Variants in FAM135A observed in about 807,000 individuals in gnomAD.
The protein encoded by FAM135A is family with sequence similarity 135 member A.
FAM135A carries 79 observed loss-of-function variants against 146.8 expected under a neutral mutation model. That is an observed-to-expected ratio of 0.54 (90% CI 0.45 to 0.65). The LOEUF is 0.65. FAM135A is among the 30% of genes least tolerant of loss of function. The pLI is 0.00. For missense variants in FAM135A, 1,623 were observed against 1,758.2 expected, an observed-to-expected ratio of 0.92 and a Z score of 1.38; for synonymous variants, 562 against 603.6, an observed-to-expected ratio of 0.93 and a Z score of 1.01.
At chr6:70,495,597 TACACAC>T (rs1349052352) in intron 11 of FAM135A, among the ~76,000 whole-genome samples, 2 of 152,092 alleles carry the variant, frequency 1.3e-5, no homozygotes, top group Non-Finnish European at 2.9e-5. Flanking sequence ...CCTTTGGGGA[TACACAC>T]ACACATACAC....
intron 11 of FAM135A, among the ~76,000 whole-genome samples, chr6:70,499,206 T>G (rs1787971795): frequency 6.6e-6 from 1 of 152,246 alleles, no homozygotes; most frequent in Non-Finnish European, 1.5e-5. Context: ...TCTTGTTGAA[T>G]TGATCCCTTT....
At chr6:70,491,898 TAAAGA>T (rs1310354595) in intron 11 of FAM135A, among the ~76,000 whole-genome samples, 2 of 151,812 alleles carry the variant, frequency 1.3e-5, no homozygotes, top group African/African-American at 2.4e-5. Context: ...ACTGAGCTAT[TAAAGA>T]AAATTTGAAT....
intron 5 of FAM135A, among the ~76,000 whole-genome samples, chr6:70,454,164 G>C (rs1582228583): frequency 6.6e-6 from 1 of 152,210 alleles, no homozygotes; most frequent in African/African-American, 2.4e-5. Flanking sequence ...CAGTGATGAT[G>C]AGCATTTTTT....
intron 2 of FAM135A, among the ~76,000 whole-genome samples, chr6:70,418,900 T>C (rs576445883): frequency 1.6e-4 from 24 of 152,320 alleles, no homozygotes; most frequent in African/African-American, 5.8e-4. Flanking sequence ...AGTTTACTGC[T>C]GTATGGTCTG....
intron 11 of FAM135A, among the ~76,000 whole-genome samples, chr6:70,498,332 AT>A (rs1350949351): frequency 6.6e-6 from 1 of 151,866 alleles, no homozygotes; most frequent in Non-Finnish European, 1.5e-5. Flanking sequence ...CCCTTTTATC[AT>A]TTTTTATTGT....
intron 12 of FAM135A, among the ~76,000 whole-genome samples, chr6:70,509,363 A>G (rs1466511732): frequency 6.6e-6 from 1 of 152,024 alleles, no homozygotes; most frequent in African/African-American, 2.4e-5. Flanking sequence ...CATCTCTCTC[A>G]CCTTGTAGTT....
chr6:70,478,862 T>C (rs927227633), intron 8 of FAM135A, among the ~76,000 whole-genome samples: 1 of 152,078 alleles, frequency 6.6e-6, no homozygotes, highest in Non-Finnish European at 1.5e-5. Flanking sequence ...TATTATAAAC[T>C]TAAAATTTTT....
chr6:70,450,283 T>C (rs777920493), intron 4 of FAM135A, among the ~76,000 whole-genome samples: 9 of 152,186 alleles, frequency 5.9e-5, no homozygotes, highest in Non-Finnish European at 7.3e-5. Flanking sequence ...CGTAATCTTA[T>C]TTGTCTATGT....
intron 12 of FAM135A, among the ~76,000 whole-genome samples, chr6:70,519,051 A>T (rs540848612): frequency 6.6e-5 from 10 of 152,332 alleles, no homozygotes; most frequent in African/African-American, 2.4e-4. Context: ...CTTTTGGGAA[A>T]AAATCACCGT....
intron 10 of FAM135A, 95 bp downstream of exon 10, chr6:70,482,249 TA>T: frequency 8.1e-7 from 1 of 1,229,774 alleles, no homozygotes; most frequent in South Asian, 1.6e-5. Flanking sequence ...TTTTCTATAC[TA>T]AAACTACAGT....
chr6:70,459,892 G>T (rs887352063), intron 5 of FAM135A, among the ~76,000 whole-genome samples: 1 of 152,082 alleles, frequency 6.6e-6, no homozygotes, highest in Non-Finnish European at 1.5e-5. Flanking sequence ...TTAGCCAGGC[G>T]TGGTGGCGGG....
chr6:70,443,877 A>G (rs551583685), intron 4 of FAM135A, among the ~76,000 whole-genome samples: 2 of 152,188 alleles, frequency 1.3e-5, no homozygotes, highest in South Asian at 4.1e-4. Flanking sequence ...CTAATTCACT[A>G]TGATTTTGCC....
rs187023383 is a variant in FAM135A at position 70,534,626 on chromosome 6, C to A, written c.3965+772C>A. ...CTTGCCCAGCCAGATTTTATGACTGCTGTATACTTTTGTGAGTCAGTTTTC... is the reference window on the plus strand; with the variant it reads ...CTTGCCCAGCCAGATTTTATGACTGATGTATACTTTTGTGAGTCAGTTTTC... On this transcript the variant is annotated intron_variant, in intron 18 of 21. Coordinates refer to ENST00000418814, the MANE Select transcript of FAM135A (RefSeq NM_001162529.3). 5.3e-5 allele frequency among the ~76,000 whole-genome samples: 8 copies of A among 152,186 alleles called. No individual in the cohort carries two copies. In the East Asian group the frequency reaches 1.5e-3, roughly 29 times the overall value.
In FAM135A at chr6:70,556,812, C is replaced by A; in HGVS notation, c.4291C>A (p.His1431Asn). ...CCTACAGGATCGCTATGTTCCTTAT[C>A]ACTCTGCCCGCATTGAAATGTGTAA... ...GSLQDRYVPY[H>N]SARIEMCKTA... The change falls in exon 21 of 22, where the codon CAC (histidine) becomes AAC (asparagine). Residue 1431 changes from histidine to asparagine, a missense_variant. By Grantham distance (68) the His-to-Asn change is moderately conservative. This residue lies in a region of FAM135A where 138 missense variants were observed against 174.1 expected (regional missense o/e 0.79). Transcript: ENST00000418814. 2 of 1,613,972 alleles carry A rather than the reference C, an allele frequency of 1.2e-6. No homozygotes were observed. Among genetic ancestry groups the A allele is most frequent in the South Asian group, 2.2e-5 (2 of 91,080 alleles).
rs1792204967 is a variant in FAM135A, at chr6:70,516,343, AGT to A, written c.1030-6169_1030-6168del. 2.0e-5 allele frequency among the ~76,000 whole-genome samples: 3 copies of A among 151,880 alleles called. No individual in the cohort carries two copies. In the South Asian group the frequency reaches 6.2e-4, roughly 32 times the overall value. ...CTGAAATTTGGCCTGTCCTCCTTGG[AGT>A]CTAGTTGCATCTGCCTGTAGAAGGA... On this transcript the variant is annotated intron_variant, in intron 12 of 21. Coordinates refer to ENST00000418814, the MANE Select transcript of FAM135A (RefSeq NM_001162529.3).
intron 16 of FAM135A, 57 bp downstream of exon 16, chr6:70,528,509 G>T: frequency 7.3e-7 from 1 of 1,372,062 alleles, no homozygotes; most frequent in Non-Finnish European, 9.5e-7. Context: ...TTTCCTAATA[G>T]ATCTCATTTA....
At chr6:70,558,054 G>T (rs987065497) in intron 21 of FAM135A, among the ~76,000 whole-genome samples, 1 of 152,236 alleles carries the variant, frequency 6.6e-6, no homozygotes, top group Non-Finnish European at 1.5e-5. Flanking sequence ...GTGAGGTTCT[G>T]TGACATTGGG....
At chr6:70,480,857 A>G (rs757573148) in intron 8 of FAM135A, 44 bp from the exon 9 acceptor site, 2 of 1,548,850 alleles carry the variant, frequency 1.3e-6, no homozygotes, top group South Asian at 1.3e-5. Flanking sequence ...CTTACATTCA[A>G]ATAGACTCGT....
intron 16 of FAM135A, among the ~76,000 whole-genome samples, chr6:70,530,546 ATAAT>A: frequency 6.6e-6 from 1 of 152,172 alleles, no homozygotes; most frequent in Non-Finnish European, 1.5e-5. Flanking sequence ...ATTTTTGAAG[ATAAT>A]TATTTTTATA....
Sources: allele counts gnomAD v4.1 joint callset (sites outside exome capture counted in the v4.1 genomes callset), GRCh38; gene constraint gnomAD v4.1.1; regional missense constraint gnomAD v4.1.1; transcripts MANE v1.5; gene names NCBI Gene and HGNC (gene_info 2026-07-23, HGNC 2026-07-21).